AARS2: variants seen among roughly 807,000 people sequenced by gnomAD.
AARS2 encodes alanyl-tRNA synthetase 2, mitochondrial.
In AARS2, 78 loss-of-function variants were observed where a neutral mutation model predicts 119.7. The ratio of observed to expected loss-of-function variants is 0.65; its 90% CI spans 0.54 to 0.79. The LOEUF is 0.79. Ranked by LOEUF, AARS2 falls within the 30% of genes least tolerant of loss-of-function variation. AARS2 has a pLI of 0.00. For missense variants in AARS2, 1,157 were observed against 1,291.3 expected (o/e 0.90, Z 1.59); for synonymous variants, 502 against 526.3 (o/e 0.95, Z 0.63).
chr6:44,300,943 G>A (rs1373134018), intron 21 of AARS2: 1 of 716,720 alleles, frequency 1.4e-6, no homozygotes, highest in African/African-American at 1.8e-5. Flanking sequence ...GGCCTGGGAG[G>A]GGTTAGGAAT....
intron 2 of AARS2, 52 bp downstream of exon 2, chr6:44,312,020 A>C: frequency 6.3e-7 from 1 of 1,598,016 alleles, no homozygotes; most frequent in Admixed American, 1.7e-5. Flanking sequence ...TACAATGGAA[A>C]CAGGACAAAT....
Position 44,307,213 on chromosome 6 carries a change from C to T in AARS2, c.1040+36G>A. The T allele has an allele frequency of 1.2e-6, 2 of 1,613,664 alleles. No individual in the cohort carries two copies. The highest frequency in any genetic ancestry group is 2.2e-5 in the East Asian group (1 of 44,880). ...TCCCTCCTCCACCTGAGACCCCCAGCAGCCCCTGTCCTCTCTGTAGCCCTT... is the reference window on the plus strand; with the variant it reads ...TCCCTCCTCCACCTGAGACCCCCAGTAGCCCCTGTCCTCTCTGTAGCCCTT... On this transcript the variant is annotated intron_variant, in intron 6 of 21. Coordinates refer to ENST00000244571, the MANE Select transcript of AARS2 (RefSeq NM_020745.4). The surrounding 1 kb of genome is among the most constrained non-coding windows in gnomAD (Gnocchi z 4.4).
intron 5 of AARS2, among the ~76,000 whole-genome samples, chr6:44,309,555 C>A (rs899849984): frequency 6.6e-5 from 10 of 152,156 alleles, no homozygotes; most frequent in Non-Finnish European, 1.0e-4. Flanking sequence ...TCTTGCGGGG[C>A]AAGGAGGGAG....
chr6:44,305,309 C>G lies in AARS2; in HGVS notation c.1435-111G>C. 6.6e-7 allele frequency: 1 copy of G among 1,506,044 alleles called. No homozygotes were observed. Among genetic ancestry groups the G allele is most frequent in the Middle Eastern group, 2.4e-4 (1 of 4,244 alleles). 93.3% of individuals were successfully genotyped at this position (1,506,044 alleles called of 1,614,324 possible). On this transcript the variant is annotated intron_variant, in intron 10 of 21. Transcript: ENST00000244571. The surrounding 1 kb of genome is among the most constrained non-coding windows in gnomAD (Gnocchi z 4.6). ...GCCACACAGCTGTGGACTCTGCAGC[C>G]CTTCTGGAATAAGAACTCAGGGCTT...
At position 44,304,738 on chromosome 6, in the gene AARS2, C is replaced by T. The variant is rs754896080; in HGVS notation, c.1659G>A (p.Gln553=). ...GTAVASVGKG[Q]RCGLLLDRTN... The stretch of plus-strand genomic sequence containing the variant: ...TCCTGTCCAAGAGGAGGCCACAGCG[C>T]TGGCCTTTCCCCACGGAGGCCACTG... The change falls in exon 12 of 22, where the codon CAG becomes CAA. Residue 553 remains glutamine (Q), a synonymous_variant. Transcript: ENST00000244571. 3.1e-6 allele frequency: 5 copies of T among 1,614,244 alleles called. No individual in the cohort carries two copies. The Admixed American group carries it at 5.0e-5, about 16-fold the overall frequency.
chr6:44,309,378 C>T (rs929548189), intron 5 of AARS2, among the ~76,000 whole-genome samples: 1 of 152,186 alleles, frequency 6.6e-6, no homozygotes, highest in African/African-American at 2.4e-5. Context: ...CCAGCCTAAA[C>T]GCTAGCTCAC....
intron 5 of AARS2, among the ~76,000 whole-genome samples, chr6:44,308,651 G>A (rs975781702): frequency 6.6e-6 from 1 of 152,068 alleles, no homozygotes; most frequent in African/African-American, 2.4e-5. Flanking sequence ...CCAGGTTAGA[G>A]TGCAGTAGCA....
At chr6:44,300,889 G>T in intron 21 of AARS2, 178 bp from the exon 22 acceptor site, 2 of 799,490 alleles carry the variant, frequency 2.5e-6, no homozygotes, top group Non-Finnish European at 4.1e-6. Flanking sequence ...GTGTGGGGAG[G>T]TGTATGAACG....
In AARS2 at chr6:44,305,733, T is replaced by C; in HGVS notation, c.1354A>G (p.Met452Val). Residue 452 changes from methionine (M) to valine (V), a missense_variant, in exon 10 of 22, where the codon ATG (methionine) becomes GTG (valine). By Grantham distance (21) the Met-to-Val change is conservative. Coordinates refer to ENST00000244571, the MANE Select transcript of AARS2 (RefSeq NM_020745.4). This position sits in a 1 kb window ranked among gnomAD's most constrained non-coding sequence, Gnocchi z 4.6. ...LCGDLGLPLD[M>V]VELMLEEKGV... is the part of the protein sequence containing the mutation. ...TTCTCCTCCAGCATCAGCTCTACCA[T>C]GTCCAAGGGGAGTCCCAGGTCTCCA... is the stretch of plus-strand genomic sequence containing the variant. 2 of 1,614,104 alleles carry C rather than the reference T, an allele frequency of 1.2e-6. No individual in the cohort carries two copies. Among genetic ancestry groups the C allele is most frequent in the Non-Finnish European group, 1.7e-6 (2 of 1,180,004 alleles).
At position 44,301,153 on chromosome 6, in the gene AARS2, C is replaced by T. The variant is rs1785319852; in HGVS notation, c.2793+3G>A. ...CGGTGGGCTGCTCTCCCACTTCCCT[C>T]ACCTGGGCCACCTGACAGGCACACA... On this transcript the variant is annotated splice_donor_region_variant and intron_variant, in intron 21 of 21. Transcript: ENST00000244571. 1.2e-6 allele frequency: 2 copies of T among 1,612,634 alleles called. No homozygotes were observed. Among genetic ancestry groups the T allele is most frequent in the Non-Finnish European group, 8.5e-7 (1 of 1,179,302 alleles).
rs1301720665 is a variant in AARS2 at position 44,300,037 on chromosome 6, T to C, written c.*510A>G. The C allele has an allele frequency of 5.4e-6, 1 of 186,904 alleles. No homozygotes were observed. Among genetic ancestry groups the C allele is most frequent in the Non-Finnish European group, 1.1e-5 (1 of 88,538 alleles). The allele number at this position is 186,904 out of a possible 1,614,324, so 11.6% of individuals were successfully genotyped here. On this transcript the variant is annotated 3_prime_UTR_variant, in exon 22 of 22. Coordinates refer to ENST00000244571, the MANE Select transcript of AARS2 (RefSeq NM_020745.4). ...CTCTGTCACCCAGGCTGGAGTGCAG[T>C]GGTGCGATCTTGGCCCACTGCAACC...
chr6:44,303,513 A>T, intron 14 of AARS2, 90 bp from the exon 15 acceptor site: 1 of 1,586,092 alleles, frequency 6.3e-7, no homozygotes, highest in Non-Finnish European at 8.6e-7. Context: ...ATGTTCACTG[A>T]GCTATCCCCA....
At chr6:44,303,209 C>A (rs376768872) in intron 15 of AARS2, 34 bp from the exon 16 acceptor site, 8 of 1,613,900 alleles carry the variant, frequency 5.0e-6, no homozygotes, top group African/African-American at 1.3e-5. Flanking sequence ...CGTTAACTGC[C>A]AAAGGAGAAG....
chr6:44,312,746 T>G (rs534152122), intron 1 of AARS2, among the ~76,000 whole-genome samples: 1 of 152,168 alleles, frequency 6.6e-6, no homozygotes, highest in Non-Finnish European at 1.5e-5. Flanking sequence ...AGAATAGTAC[T>G]CAGCAAACAA....
At chr6:44,309,003 A>G (rs530482220) in intron 5 of AARS2, among the ~76,000 whole-genome samples, 1 of 152,296 alleles carries the variant, frequency 6.6e-6, no homozygotes, top group East Asian at 1.9e-4. Context: ...TGTTCACAAA[A>G]ATGGCCCTTT....
Position 44,303,299 on chromosome 6 carries a change from C to T in AARS2, c.2132G>A (p.Arg711His), listed in dbSNP as rs752743037. The change falls in exon 15 of 22, where the codon CGC becomes CAC. Residue 711 changes from arginine to histidine, a missense_variant. Physicochemically the swap from Arg to His is conservative, Grantham distance 29. Coordinates refer to ENST00000244571, the MANE Select transcript of AARS2 (RefSeq NM_020745.4). ...TCCCCAACTCACCTCATCCAGAGAG[C>T]GCAGGCCAGGGACCTGGGCAGTGAG... ...LALTAQVPGL[R>H]SLDEVYPDPV... 79 of 1,614,014 alleles carry T rather than the reference C, an allele frequency of 4.9e-5. 1 individual carries two copies. Among genetic ancestry groups the T allele is most frequent in the Admixed American group, 4.7e-4 (28 of 60,012 alleles).
chr6:44,302,629 C>T (rs1361874997), intron 17 of AARS2, 116 bp from the exon 18 acceptor site: 3 of 1,548,606 alleles, frequency 1.9e-6, no homozygotes, highest in South Asian at 1.1e-5. Flanking sequence ...ATCAAGGCAC[C>T]AGCACCAAAT....
Position 44,301,220 on chromosome 6 carries a change from G to A in AARS2, c.2729C>T (p.Thr910Met), listed in dbSNP as rs148429504. The stretch of plus-strand genomic sequence containing the variant: ...CTGGGGGCTGAGTAGGAGCACAGAC[G>A]TGCTGGGGGCCTGCTCACACAGCTG... Reference protein sequence around the residue: ...VRQLCEQAPSTSVLLLSPQPM... With the variant: ...VRQLCEQAPSMSVLLLSPQPM... The change falls in exon 21 of 22, where the codon ACG (threonine) becomes ATG (methionine). Residue 910 changes from threonine to methionine, a missense_variant. Thr to Met is a moderately conservative substitution (Grantham distance 81). Coordinates refer to ENST00000244571, the MANE Select transcript of AARS2 (RefSeq NM_020745.4). 9.9e-6 allele frequency: 16 copies of A among 1,613,732 alleles called. No individual in the cohort carries two copies. The highest frequency in any genetic ancestry group is 8.8e-5 in the South Asian group (8 of 91,078).
chr6:44,310,824 A>C (rs1786285015), intron 4 of AARS2, among the ~76,000 whole-genome samples, 170 bp downstream of exon 4: 1 of 152,260 alleles, frequency 6.6e-6, no homozygotes, highest in South Asian at 2.1e-4. Flanking sequence ...TGTCACAGGC[A>C]AAGACTACAA....
Sources: gnomAD v4.1 joint callset for allele counts (sites outside exome capture counted in the v4.1 genomes callset) on GRCh38, gnomAD v4.1.1 for gene constraint, Gnocchi (gnomAD v3.1) non-coding constraint, MANE v1.5 for transcripts, NCBI Gene and HGNC (gene_info 2026-07-23, HGNC 2026-07-21) for gene names.